Variants in NIPAL3 observed in about 807,000 individuals in gnomAD.
The protein encoded by NIPAL3 is NIPA-like protein 3.
Under a neutral mutation model 47.2 loss-of-function variants are expected in NIPAL3, and 41 were observed. The ratio of observed to expected loss-of-function variants is 0.87; its 90% CI spans 0.68 to 1.13. The LOEUF (loss-of-function observed/expected upper bound fraction) is 1.13, where lower values mean the gene tolerates loss of function less well. Among genes scored for constraint, NIPAL3 ranks in the 50% most tolerant of loss-of-function variants. NIPAL3 has a pLI of 0.00. For missense variants in NIPAL3, 449 were observed against 530.1 expected, an observed-to-expected ratio of 0.85 and a Z score of 1.50; for synonymous variants, 194 against 209.6, an observed-to-expected ratio of 0.93 and a Z score of 0.64.
intron 10 of NIPAL3, among the ~76,000 whole-genome samples, 168 bp downstream of exon 10, chr1:24,460,712 T>C (rs1236185693): frequency 2.0e-5 from 3 of 152,230 alleles, no homozygotes; most frequent in Non-Finnish European, 4.4e-5. Flanking sequence ...CTCTAAGGGC[T>C]TTATCTTCCC....
rs541351285 is a variant in NIPAL3, at chr1:24,470,470, C to G, written c.*1285C>G. 6.6e-6 allele frequency: 1 copy of G among 152,152 alleles called. No homozygotes were observed. The highest frequency in any genetic ancestry group is 1.5e-5 in the Non-Finnish European group (1 of 68,028). 9.4% of individuals were successfully genotyped at this position (152,152 alleles called of 1,614,324 possible). A position where few individuals can be genotyped will look rare whatever the true frequency, so the allele number is the denominator to read the frequency against. On this transcript the variant is annotated 3_prime_UTR_variant, in exon 12 of 12. Coordinates refer to ENST00000374399, the MANE Select transcript of NIPAL3 (RefSeq NM_020448.5). ...TGATTCTGATGCGATGCTTCAATCCCGAGATTTCACATCTGGAAAGCCTAA... is the reference window on the plus strand; with the variant it reads ...TGATTCTGATGCGATGCTTCAATCCGGAGATTTCACATCTGGAAAGCCTAA...
Position 24,449,739 on chromosome 1 carries a change from T to C in NIPAL3, c.540+113T>C, listed in dbSNP as rs1645847280. 3 of 1,180,526 alleles carry C rather than the reference T, an allele frequency of 2.5e-6. No individual in the cohort carries two copies. Among genetic ancestry groups the C allele is most frequent in the South Asian group, 1.5e-5 (1 of 66,360 alleles). The allele number at this position is 1,180,526 out of a possible 1,614,324, so 73.1% of individuals were successfully genotyped here. A position where few individuals can be genotyped will look rare whatever the true frequency, so the allele number is the denominator to read the frequency against. On this transcript the variant is annotated intron_variant, in intron 6 of 11. Transcript: ENST00000374399. This position sits in a 1 kb window ranked among gnomAD's most constrained non-coding sequence, Gnocchi z 4.5. ...GGATTCCGTGAGTTGCGGCACATTT[T>C]ACCAGCATGAAAGACCGTGCTTCTG...
At chr1:24,456,376 G>GC in intron 8 of NIPAL3, 103 bp downstream of exon 8, 1 of 1,489,186 alleles carries the variant, frequency 6.7e-7, no homozygotes, top group Non-Finnish European at 9.2e-7. Flanking sequence ...GCCAGAACAT[G>GC]CCCCAGGGCC....
chr1:24,456,054 C>T, intron 7 of NIPAL3, 84 bp from the exon 8 acceptor site: 8 of 1,520,644 alleles, frequency 5.3e-6, no homozygotes, highest in Non-Finnish European at 7.2e-6. Context: ...TCCCCAAGTC[C>T]TTTGGGGTTA....
intron 2 of NIPAL3, among the ~76,000 whole-genome samples, chr1:24,438,385 C>T (rs182859502): frequency 1.3e-5 from 2 of 152,338 alleles, no homozygotes; most frequent in Non-Finnish European, 2.9e-5. Context: ...TCTGTGGCAG[C>T]GCTGAGCCTT....
Position 24,458,894 on chromosome 1 carries a change from G to C in NIPAL3, c.780G>C (p.Leu260Phe). The C allele has an allele frequency of 1.9e-6, 3 of 1,613,990 alleles. No homozygotes were observed. Among genetic ancestry groups the C allele is most frequent in the East Asian group, 4.5e-5 (2 of 44,884 alleles). ...VATAVYQAAF[L>F]SQASQMYDSS... ...GAGTGCTTTTGTGTTGAAGGTTTTT[G>C]AGTCAAGCCTCACAGATGTACGACT... is the stretch of plus-strand genomic sequence containing the variant. Residue 260 changes from leucine (L) to phenylalanine (F), a missense_variant, in exon 9 of 12, where the codon TTG becomes TTC. Physicochemically the swap from Leu to Phe is conservative, Grantham distance 22 (BLOSUM62 0). Coordinates refer to ENST00000374399, the MANE Select transcript of NIPAL3 (RefSeq NM_020448.5).
chr1:24,463,941 C>T, intron 10 of NIPAL3, 85 bp from the exon 11 acceptor site: 1 of 1,202,200 alleles, frequency 8.3e-7, no homozygotes, highest in African/African-American at 1.5e-5. Context: ...CTTTTTACCT[C>T]TTTCCATCAC....
intron 10 of NIPAL3, among the ~76,000 whole-genome samples, 170 bp from the exon 11 acceptor site, chr1:24,463,856 C>T (rs1054422172): frequency 4.6e-5 from 7 of 151,868 alleles, no homozygotes; most frequent in African/African-American, 1.5e-4. Flanking sequence ...TGCATCTGCC[C>T]CTGCTGATCC....
rs1473125391 is a variant in NIPAL3 at position 24,451,434 on chromosome 1, A to G, written c.540+1808A>G. The stretch of plus-strand genomic sequence containing the variant: ...GAACGGGCCACATGTGGTGGCTCAC[A>G]CCTATAATCTCAGCACTTTGGGAGG... On this transcript the variant is annotated intron_variant, in intron 6 of 11. Coordinates refer to ENST00000374399, the MANE Select transcript of NIPAL3 (RefSeq NM_020448.5). This position sits in a 1 kb window ranked among gnomAD's most constrained non-coding sequence, Gnocchi z 4.5. 6.6e-6 allele frequency among the ~76,000 whole-genome samples: 1 copy of G among 152,088 alleles called. No individual in the cohort carries two copies. The highest frequency in any genetic ancestry group is 1.5e-5 in the Non-Finnish European group (1 of 68,024).
At chr1:24,441,102 C>G (rs1003423454) in intron 3 of NIPAL3, among the ~76,000 whole-genome samples, 1 of 152,194 alleles carries the variant, frequency 6.6e-6, no homozygotes, top group South Asian at 2.1e-4. Context: ...TACCTGCTAA[C>G]AGGATGAATC....
intron 4 of NIPAL3, among the ~76,000 whole-genome samples, chr1:24,444,517 T>G (rs1645562340): frequency 6.6e-6 from 1 of 152,192 alleles, no homozygotes; most frequent in Non-Finnish European, 1.5e-5. Flanking sequence ...TATGAGCTGG[T>G]GCCAGCTGGA....
chr1:24,464,213 C>T, intron 11 of NIPAL3, 93 bp downstream of exon 11: 1 of 903,830 alleles, frequency 1.1e-6, no homozygotes, highest in Non-Finnish European at 1.7e-6. Context: ...CTGTGCTGTG[C>T]CTTTATCGTG....
At chr1:24,418,217 A>G (rs1453575176) in intron 1 of NIPAL3, among the ~76,000 whole-genome samples, 14 of 152,226 alleles carry the variant, frequency 9.2e-5, no homozygotes, top group Non-Finnish European at 1.9e-4. Context: ...ATAAACATAG[A>G]CTATGCAGTA....
At chr1:24,463,973 C>T (rs1646588295) in intron 10 of NIPAL3, 53 bp from the exon 11 acceptor site, 2 of 1,481,208 alleles carry the variant, frequency 1.4e-6, no homozygotes, top group African/African-American at 2.8e-5. Flanking sequence ...AGTGTGCCTG[C>T]CCGACCTTGC....
rs1249313052 is a variant in NIPAL3, at chr1:24,442,336, A to T, written c.334+110A>T. 5 of 1,203,284 alleles carry T rather than the reference A, an allele frequency of 4.2e-6. No homozygotes were observed. The East Asian group carries it at 1.2e-4, about 28-fold the overall frequency. The allele number at this position is 1,203,284 out of a possible 1,614,324, so 74.5% of individuals were successfully genotyped here. ...TGAACAAACCAGCTTTAGCTTGGATAATAATAGCCTAATACAAAGGGCTTC... is the reference window on the plus strand; with the variant it reads ...TGAACAAACCAGCTTTAGCTTGGATTATAATAGCCTAATACAAAGGGCTTC... On this transcript the variant is annotated intron_variant, in intron 4 of 11. Transcript: ENST00000374399.
chr1:24,416,021 C>T lies in NIPAL3; in HGVS notation c.-258+117C>T, dbSNP rs1644007488. ...TACATACCCTTCCTTCTTACTGTCA[C>T]CAGCCTCGCCAACCTGGGTCCCGTT... On this transcript the variant is annotated intron_variant, in intron 1 of 11. Coordinates refer to ENST00000374399, the MANE Select transcript of NIPAL3 (RefSeq NM_020448.5). The surrounding 1 kb of genome is among the most constrained non-coding windows in gnomAD (Gnocchi z 4.8). The T allele has an allele frequency of 5.1e-6, 5 of 985,562 alleles. No individual in the cohort carries two copies. The highest frequency in any genetic ancestry group is 6.0e-6 in the Non-Finnish European group (5 of 830,022). 61.1% of individuals were successfully genotyped at this position (985,562 alleles called of 1,614,324 possible).
chr1:24,428,784 AC>A (rs1205414193), intron 2 of NIPAL3, among the ~76,000 whole-genome samples: 1 of 151,910 alleles, frequency 6.6e-6, no homozygotes, highest in Non-Finnish European at 1.5e-5. Context: ...CCCATACATA[AC>A]CTTTTGGCCT....
chr1:24,419,538 C>G lies in NIPAL3; in HGVS notation c.-10C>G, dbSNP rs1218707138. On this transcript the variant is annotated 5_prime_UTR_variant, in exon 2 of 12. Coordinates refer to ENST00000374399, the MANE Select transcript of NIPAL3 (RefSeq NM_020448.5). The stretch of plus-strand genomic sequence containing the variant: ...AGGCCAGGCCCTGTGGGATGCGCCA[C>G]TAGACCACCATGGACGGATCCCACA... The G allele has an allele frequency of 3.1e-6, 5 of 1,610,068 alleles. No homozygotes were observed. In the African/African-American group the frequency reaches 6.7e-5, roughly 22 times the overall value.
chr1:24,430,676 G>A (rs1276999900), intron 2 of NIPAL3, among the ~76,000 whole-genome samples: 1 of 152,196 alleles, frequency 6.6e-6, no homozygotes, highest in Non-Finnish European at 1.5e-5. Flanking sequence ...CAAAGTACTG[G>A]ACACTCCTAA....
Sources: gnomAD v4.1 joint callset for allele counts (sites outside exome capture counted in the v4.1 genomes callset) on GRCh38, gnomAD v4.1.1 for gene constraint, Gnocchi (gnomAD v3.1) non-coding constraint, MANE v1.5 for transcripts, NCBI Gene and HGNC (gene_info 2026-07-23, HGNC 2026-07-21) for gene names.